MDGA2: variants seen among roughly 807,000 people sequenced by gnomAD.
MDGA2 encodes MAM domain containing glycosylphosphatidylinositol anchor 2.
A neutral mutation model predicts 117.8 loss-of-function variants in MDGA2; 40 were observed. The observed-to-expected ratio is 0.34, with a 90% CI of 0.26 to 0.44. The LOEUF (loss-of-function observed/expected upper bound fraction) is 0.44, where lower values mean the gene tolerates loss of function less well. Among genes scored for constraint, MDGA2 ranks in the 20% least tolerant of loss-of-function variants. MDGA2 has a pLI of 1.00. For synonymous variants in MDGA2, 452 were observed against 439.0 expected (o/e 1.03, Z -0.37); for missense variants, 1,123 against 1,250.6 (o/e 0.90, Z 1.54).
chr14:47,288,264 C>A (rs1888758032), intron 2 of MDGA2, among the ~76,000 whole-genome samples: 2 of 152,296 alleles, frequency 1.3e-5, no homozygotes, highest in South Asian at 2.1e-4. Context: ...TAGCAGACAT[C>A]ATGCTTTTGT....
At chr14:47,455,948 G>A (rs574113551) in intron 1 of MDGA2, among the ~76,000 whole-genome samples, 202 of 152,126 alleles carry the variant, frequency 1.3e-3, no homozygotes, top group Non-Finnish European at 2.2e-3. Flanking sequence ...AGTGAGCCAA[G>A]ATCATGTCAC....
In MDGA2 at chr14:47,570,982, G is replaced by A. The variant is rs1402498623; in HGVS notation, c.280+103535C>T. Among the ~76,000 whole-genome samples the A allele has an allele frequency of 7.2e-5, 11 of 152,090 alleles. No homozygotes were observed. In the South Asian group the frequency reaches 2.1e-3, roughly 29 times the overall value. On this transcript the variant is annotated intron_variant, in intron 1 of 16. Transcript: ENST00000399232. ...AGTGAACAGGCAACCTACAGAATGG[G>A]AGAAAATTTTTGCAATCCATCCATC...
At chr14:47,554,491 T>G (rs1315946202) in intron 1 of MDGA2, among the ~76,000 whole-genome samples, 1 of 152,170 alleles carries the variant, frequency 6.6e-6, no homozygotes, top group Non-Finnish European at 1.5e-5. Context: ...AGCTTAGAAG[T>G]TGGTAATAAT....
chr14:46,994,567 C>A (rs1887217738), intron 8 of MDGA2, among the ~76,000 whole-genome samples: 1 of 151,870 alleles, frequency 6.6e-6, no homozygotes, highest in Admixed American at 6.6e-5. Flanking sequence ...TACATAAACA[C>A]AGAAACTCAG....
chr14:47,170,471 C>A (rs562285654), intron 3 of MDGA2, among the ~76,000 whole-genome samples: 2 of 152,126 alleles, frequency 1.3e-5, no homozygotes, highest in Non-Finnish European at 2.9e-5. Context: ...CTATCATTGT[C>A]ATTTTATAGG....
At chr14:47,436,804 A>G (rs951934496) in intron 1 of MDGA2, among the ~76,000 whole-genome samples, 3 of 152,130 alleles carry the variant, frequency 2.0e-5, no homozygotes, top group African/African-American at 4.8e-5. Context: ...ACAAGCTTGC[A>G]ATCTAGCCAG....
intron 11 of MDGA2, 57 bp from the exon 12 acceptor site, chr14:46,877,566 A>C: frequency 8.0e-7 from 1 of 1,255,102 alleles, no homozygotes; most frequent in Non-Finnish European, 1.1e-6. Context: ...CATGGCTTGA[A>C]TGTCTTTTAT....
intron 8 of MDGA2, among the ~76,000 whole-genome samples, chr14:47,031,561 C>G (rs921548442): frequency 6.6e-6 from 1 of 152,032 alleles, no homozygotes; most frequent in Non-Finnish European, 1.5e-5. Context: ...CCTCAGCTAT[C>G]CCTGATACTT....
At chr14:47,142,037 T>C (rs1490047491) in intron 4 of MDGA2, among the ~76,000 whole-genome samples, 1 of 152,186 alleles carries the variant, frequency 6.6e-6, no homozygotes. Flanking sequence ...ATTGTGCTTG[T>C]TTAATAAATT....
rs10143731 is a variant in MDGA2, at chr14:47,374,652, G to C, written c.281-73102C>G. On this transcript the variant is annotated intron_variant, in intron 1 of 16. Coordinates refer to ENST00000399232, the MANE Select transcript of MDGA2 (RefSeq NM_001113498.3). ...CAAAATGGTTTCAAATTCTGTGACA[G>C]ATCAATTTAGGAGTATTATACAAGA... 4.0e-5 allele frequency among the ~76,000 whole-genome samples: 6 copies of C among 151,772 alleles called. No homozygotes were observed. The East Asian group carries it at 5.8e-4, about 15-fold the overall frequency.
intron 1 of MDGA2, among the ~76,000 whole-genome samples, chr14:47,494,801 T>G (rs1163084768): frequency 6.6e-6 from 1 of 151,504 alleles, no homozygotes; most frequent in Non-Finnish European, 1.5e-5. Context: ...AGTGTATATT[T>G]TTTCACTTTG....
Position 47,259,565 on chromosome 14 carries a change from A to T in MDGA2, c.421-41370T>A, listed in dbSNP as rs187716509. ...TGTTTAACACAGGCTTTCTAAATCA[A>T]ATTTGAACACAGGACACTTTTCTCT... is the stretch of plus-strand genomic sequence containing the variant. On this transcript the variant is annotated intron_variant, in intron 2 of 16. Coordinates refer to ENST00000399232, the MANE Select transcript of MDGA2 (RefSeq NM_001113498.3). Among the ~76,000 whole-genome samples the T allele has an allele frequency of 9.9e-5, 15 of 152,192 alleles. No individual in the cohort carries two copies. In the East Asian group the frequency reaches 2.3e-3, roughly 24 times the overall value.
chr14:47,571,406 A>G (rs1408348120), intron 1 of MDGA2, among the ~76,000 whole-genome samples: 1 of 152,232 alleles, frequency 6.6e-6, no homozygotes, highest in Non-Finnish European at 1.5e-5. Flanking sequence ...ATTACTGGGT[A>G]TATACCCAAA....
intron 1 of MDGA2, among the ~76,000 whole-genome samples, chr14:47,489,466 T>G (rs764816211): frequency 1.1e-4 from 17 of 152,064 alleles, no homozygotes; most frequent in Non-Finnish European, 2.4e-4. Context: ...ATGCTACCTT[T>G]TTTTGGTGGC....
At chr14:46,924,680 C>A (rs1267603819) in intron 9 of MDGA2, among the ~76,000 whole-genome samples, 4 of 151,238 alleles carry the variant, frequency 2.6e-5, no homozygotes, top group African/African-American at 9.7e-5. Flanking sequence ...ATTGCACAAT[C>A]TCAGAAAAAA....
intron 2 of MDGA2, among the ~76,000 whole-genome samples, chr14:47,240,715 G>A (rs1381905980): frequency 1.3e-5 from 2 of 151,936 alleles, no homozygotes; most frequent in Admixed American, 6.6e-5. Flanking sequence ...CACAACTGAG[G>A]GGTTTTAGCA....
At chr14:47,249,946 A>G (rs1424190808) in intron 2 of MDGA2, among the ~76,000 whole-genome samples, 3 of 152,196 alleles carry the variant, frequency 2.0e-5, no homozygotes, top group Non-Finnish European at 4.4e-5. Context: ...AGACCCTCAC[A>G]CTATTGAAAA....
intron 8 of MDGA2, among the ~76,000 whole-genome samples, chr14:46,971,343 G>A (rs1430640785): frequency 6.6e-6 from 1 of 152,142 alleles, no homozygotes; most frequent in African/African-American, 2.4e-5. Flanking sequence ...AATGGGTAAA[G>A]TAGCATATGT....
chr14:47,428,478 T>C (rs1297575988), intron 1 of MDGA2, among the ~76,000 whole-genome samples: 2 of 152,150 alleles, frequency 1.3e-5, no homozygotes, highest in Non-Finnish European at 2.9e-5. Context: ...ATCAGGTATA[T>C]ATTTGATCTT....
Sources: gnomAD v4.1 joint callset for allele counts (sites outside exome capture counted in the v4.1 genomes callset) on GRCh38, gnomAD v4.1.1 for gene constraint, MANE v1.5 for transcripts, NCBI Gene and HGNC (gene_info 2026-07-23, HGNC 2026-07-21) for gene names.